Variants in VAPB observed in about 807,000 individuals in gnomAD.
The protein encoded by VAPB is vesicle-associated membrane protein-associated protein B/C.
VAPB carries 7 observed loss-of-function variants against 25.6 expected under a neutral mutation model. The ratio of observed to expected loss-of-function variants is 0.27; its 90% CI spans 0.16 to 0.51. The LOEUF is 0.51. Among genes scored for constraint, VAPB ranks in the 20% least tolerant of loss-of-function variants. The pLI is 0.97. For missense variants in VAPB, 266 were observed against 301.3 expected, an observed-to-expected ratio of 0.88 and a Z score of 0.87; for synonymous variants, 112 against 109.2, an observed-to-expected ratio of 1.03 and a Z score of -0.16.
At chr20:58,440,778 ATGTGACATTT>A (rs1275295209) in intron 4 of VAPB, 119 bp from the exon 5 acceptor site, 2 of 814,076 alleles carry the variant, frequency 2.5e-6, no homozygotes, top group East Asian at 5.5e-5. Flanking sequence ...TTTAAAATAA[ATGTGACATTT>A]TACAGTGTGG....
chr20:58,421,067 G>A (rs1206969503), intron 2 of VAPB, among the ~76,000 whole-genome samples: 1 of 152,196 alleles, frequency 6.6e-6, no homozygotes, highest in Non-Finnish European at 1.5e-5. Context: ...GCCAAGCTTG[G>A]TTTTACCCAC....
At position 58,446,705 on chromosome 20, in the gene VAPB, CA is replaced by C; in HGVS notation, c.*2471del. The C allele has an allele frequency of 2.2e-6, 1 of 453,978 alleles. No individual in the cohort carries two copies. The highest frequency in any genetic ancestry group is 1.6e-5 in the South Asian group (1 of 64,464). The allele number at this position is 453,978 out of a possible 1,614,324, so 28.1% of individuals were successfully genotyped here. On this transcript the variant is annotated 3_prime_UTR_variant, in exon 6 of 6. Coordinates refer to ENST00000475243, the MANE Select transcript of VAPB (RefSeq NM_004738.5). Reference sequence around the variant, plus strand: ...CTTCTAGAGGTTAGGACTTGGTGAACATGTTTGTGGGCCTTTTGACTGAGTG... The same window carrying C: ...CTTCTAGAGGTTAGGACTTGGTGAACTGTTTGTGGGCCTTTTGACTGAGTG...
At chr20:58,395,425 A>C (rs1180775282) in intron 1 of VAPB, among the ~76,000 whole-genome samples, 1 of 152,300 alleles carries the variant, frequency 6.6e-6, no homozygotes, top group African/African-American at 2.4e-5. Flanking sequence ...CTGGGATTAC[A>C]GACATGAGCC....
At chr20:58,436,214 A>C (rs913319405) in intron 3 of VAPB, among the ~76,000 whole-genome samples, 2 of 152,056 alleles carry the variant, frequency 1.3e-5, no homozygotes, top group African/African-American at 4.8e-5. Flanking sequence ...TAAAATGTAC[A>C]TTGTGGGAAA....
intron 1 of VAPB, among the ~76,000 whole-genome samples, chr20:58,414,630 G>T (rs1413452102): frequency 6.6e-6 from 1 of 151,698 alleles, no homozygotes; most frequent in East Asian, 1.9e-4. Context: ...GACGATGGGC[G>T]GCCGGGCAGA....
chr20:58,419,051 A>G (rs1282208048), intron 2 of VAPB, among the ~76,000 whole-genome samples: 1 of 152,240 alleles, frequency 6.6e-6, no homozygotes, highest in Non-Finnish European at 1.5e-5. Context: ...AATGTATTTT[A>G]GAAATGGAAT....
rs761901183 is a variant in VAPB, at chr20:58,444,143, A to G, written c.640A>G (p.Thr214Ala). The change falls in exon 6 of 6, where the codon ACT becomes GCT. Residue 214 changes from threonine (T) to alanine (A), a missense_variant. Transcript: ENST00000475243. ...CAGCCCCATTTCAGCATTAGCCCCA[A>G]CTGGGAAGGAAGAAGGCCTTAGCAC... The part of the protein sequence containing the change: ...SNSPISALAP[T>A]GKEEGLSTRL... The G allele has an allele frequency of 1.2e-5, 19 of 1,614,076 alleles. No individual in the cohort carries two copies. The highest frequency in any genetic ancestry group is 6.6e-5 in the South Asian group (6 of 91,084).
intron 2 of VAPB, among the ~76,000 whole-genome samples, chr20:58,424,795 A>G (rs1600803023): frequency 1.3e-5 from 2 of 152,372 alleles, no homozygotes; most frequent in African/African-American, 4.8e-5. Flanking sequence ...AATTAATCAG[A>G]CTGTGAGGAG....
rs528467548 is a variant in VAPB at position 58,441,652 on chromosome 20, TAAAC to T, written c.573+573_573+576del. Among the ~76,000 whole-genome samples the T allele has an allele frequency of 9.5e-4, 145 of 152,164 alleles. 2 individuals carry two copies. Among genetic ancestry groups the T allele is most frequent in the Admixed American group, 3.9e-3 (59 of 15,286 alleles). On this transcript the variant is annotated intron_variant, in intron 5 of 5. Transcript: ENST00000475243. ...GCTAGACTTCGTCTCAAAAACAAAA[TAAAC>T]AAAACCCCAAACAACTCAAACTCTC...
At chr20:58,424,501 C>T (rs1001283253) in intron 2 of VAPB, among the ~76,000 whole-genome samples, 2 of 152,014 alleles carry the variant, frequency 1.3e-5, no homozygotes, top group Admixed American at 1.3e-4. Context: ...CCCCAAGAGA[C>T]ACAGCTTGCA....
intron 1 of VAPB, among the ~76,000 whole-genome samples, chr20:58,391,302 G>T (rs1987790248): frequency 6.6e-6 from 1 of 152,140 alleles, no homozygotes; most frequent in Non-Finnish European, 1.5e-5. Flanking sequence ...CTTTAGGGAA[G>T]GGGGCAGATG....
At chr20:58,438,856 G>T in intron 3 of VAPB, 89 bp from the exon 4 acceptor site, 1 of 1,102,768 alleles carries the variant, frequency 9.1e-7, no homozygotes, top group South Asian at 1.3e-5. Flanking sequence ...CTCATTAAGA[G>T]TATTTTTCTG....
intron 1 of VAPB, among the ~76,000 whole-genome samples, chr20:58,396,372 C>T (rs1454011555): frequency 6.6e-6 from 1 of 152,192 alleles, no homozygotes; most frequent in East Asian, 1.9e-4. Flanking sequence ...TAGGCTCCTT[C>T]AGCCTTTGCC....
chr20:58,421,850 T>A (rs908895900), intron 2 of VAPB, among the ~76,000 whole-genome samples: 8 of 152,284 alleles, frequency 5.3e-5, no homozygotes, highest in African/African-American at 1.9e-4. Context: ...GAAAGCCAGA[T>A]GTCTTTCAGA....
At chr20:58,409,732 A>G (rs1483543747) in intron 1 of VAPB, among the ~76,000 whole-genome samples, 1 of 152,198 alleles carries the variant, frequency 6.6e-6, no homozygotes, top group Non-Finnish European at 1.5e-5. Context: ...TTATATATCA[A>G]ATTGGTATAC....
In VAPB at chr20:58,446,679, C is replaced by T. The variant is rs1253482928; in HGVS notation, c.*2444C>T. 1 of 454,008 alleles carries T rather than the reference C, an allele frequency of 2.2e-6. No individual in the cohort carries two copies. The highest frequency in any genetic ancestry group is 2.3e-5 in the Admixed American group (1 of 42,562). The allele number at this position is 454,008 out of a possible 1,614,324, so 28.1% of individuals were successfully genotyped here. On this transcript the variant is annotated 3_prime_UTR_variant, in exon 6 of 6. Coordinates refer to ENST00000475243, the MANE Select transcript of VAPB (RefSeq NM_004738.5). ...AAAATCAGTCTCTGAAGTCTCTCTCCCTTCTAGAGGTTAGGACTTGGTGAA... is the reference window on the plus strand; with the variant it reads ...AAAATCAGTCTCTGAAGTCTCTCTCTCTTCTAGAGGTTAGGACTTGGTGAA...
intron 1 of VAPB, among the ~76,000 whole-genome samples, chr20:58,415,089 C>G (rs1988507035): frequency 6.8e-6 from 1 of 146,916 alleles, no homozygotes; most frequent in Non-Finnish European, 1.5e-5. Flanking sequence ...CGGCGCGAGC[C>G]TGCAATCGCA....
chr20:58,441,147 G>A, intron 5 of VAPB, 64 bp downstream of exon 5: 1 of 1,545,350 alleles, frequency 6.5e-7, no homozygotes, highest in Non-Finnish European at 8.9e-7. Context: ...TCTTGGGTGG[G>A]GAAGTTGATG....
At chr20:58,397,949 C>G (rs1390304591) in intron 1 of VAPB, among the ~76,000 whole-genome samples, 1 of 152,148 alleles carries the variant, frequency 6.6e-6, no homozygotes, top group African/African-American at 2.4e-5. Flanking sequence ...CGAATTGGAT[C>G]AGAAAGGATT....
Sources: gnomAD v4.1 joint callset for allele counts (sites outside exome capture counted in the v4.1 genomes callset) on GRCh38, gnomAD v4.1.1 for gene constraint, MANE v1.5 for transcripts, NCBI Gene and HGNC (gene_info 2026-07-23, HGNC 2026-07-21) for gene names.